The following ZFHX3 variants were observed in gnomAD, a reference collection of about 807,000 sequenced individuals.
The protein encoded by ZFHX3 is zinc finger homeobox 3.
Under a neutral mutation model 279.1 loss-of-function variants are expected in ZFHX3, and 42 were observed. The ratio of observed to expected loss-of-function variants is 0.15; its 90% CI spans 0.12 to 0.19. The LOEUF is 0.19. Ranked by LOEUF, ZFHX3 falls within the 10% of genes least tolerant of loss-of-function variation. The probability of loss-of-function intolerance (pLI) is 1.00; values close to 1 mark genes in which losing one functional copy is unlikely to be tolerated. For missense variants in ZFHX3, 4,981 were observed against 4,754.0 expected (o/e 1.05, Z -1.40); for synonymous variants, 2,293 against 1,957.8 (o/e 1.17, Z -4.52).
chr16:73,840,333 T>C (rs1488639746), intron 1 of ZFHX3, among the ~76,000 whole-genome samples: 1 of 152,054 alleles, frequency 6.6e-6, no homozygotes, highest in Non-Finnish European at 1.5e-5. Flanking sequence ...CCCACCACCA[T>C]CACAGAAAAG....
intron 5 of ZFHX3, among the ~76,000 whole-genome samples, chr16:73,219,904 G>C (rs1015637711): frequency 6.6e-6 from 1 of 152,110 alleles, no homozygotes; most frequent in African/African-American, 2.4e-5. Context: ...TGGCCAACAC[G>C]GTGAAACCCC....
rs201730292 is a variant in ZFHX3, at chr16:72,796,067, C to T, written c.6615G>A (p.Lys2205=). Residue 2205 remains lysine (K), a synonymous_variant, in exon 9 of 10, where the codon AAG becomes AAA. Transcript: ENST00000268489. ...NTLFKERQRN[K]DSPYNFSNPP... is the part of the protein sequence containing the mutation. Reference sequence around the variant, plus strand: ...GATTACTGAAGTTGTAAGGGGAGTCCTTGTTACGCTGCCTCTCTTTGAAGA... The same window carrying T: ...GATTACTGAAGTTGTAAGGGGAGTCTTTGTTACGCTGCCTCTCTTTGAAGA... 6.2e-7 allele frequency: 1 copy of T among 1,614,186 alleles called. No individual in the cohort carries two copies. Among genetic ancestry groups the T allele is most frequent in the East Asian group, 2.2e-5 (1 of 44,866 alleles).
At chr16:73,369,380 C>T (rs13335600) in intron 3 of ZFHX3, among the ~76,000 whole-genome samples, 4 of 152,104 alleles carry the variant, frequency 2.6e-5, no homozygotes, top group African/African-American at 9.7e-5. Context: ...AACCGAGCAC[C>T]GGGCTTCTAA....
At chr16:73,781,072 T>G (rs13335360) in intron 1 of ZFHX3, among the ~76,000 whole-genome samples, 1 of 152,178 alleles carries the variant, frequency 6.6e-6, no homozygotes, top group African/African-American at 2.4e-5. Context: ...AGGGACCATT[T>G]GCTTGGGAAG....
Position 73,824,000 on chromosome 16 carries a change from T to G in ZFHX3, c.-1608+67651A>C, listed in dbSNP as rs368923875. On this transcript the variant is annotated intron_variant, in intron 1 of 17. Coordinates refer to the ZFHX3 transcript ENST00000641206. The stretch of plus-strand genomic sequence containing the variant: ...ACGGAATAACTACACTCCAGGAAAG[T>G]TGATGGAACCTTGACATCTCAAGTT... Among the ~76,000 whole-genome samples the G allele has an allele frequency of 1.2e-4, 19 of 152,314 alleles. 1 individual carries two copies. The highest frequency in any genetic ancestry group is 6.5e-4 in the Admixed American group (10 of 15,294).
In ZFHX3 at chr16:73,100,086, G is replaced by C. The variant is rs1469257398; in HGVS notation, c.-896-6488C>G. Among the ~76,000 whole-genome samples the C allele has an allele frequency of 7.2e-5, 11 of 152,290 alleles. No individual in the cohort carries two copies. The East Asian group carries it at 2.1e-3, about 29-fold the overall frequency. On this transcript the variant is annotated intron_variant, in intron 7 of 17. Coordinates refer to the ZFHX3 transcript ENST00000641206. ...GAAAGATACCTGTGGAGAAGCCATA[G>C]GTTTTACTGTTGACAATTCCGGGGC...
chr16:72,860,753 C>T (rs1449519593), intron 4 of ZFHX3, among the ~76,000 whole-genome samples: 1 of 152,002 alleles, frequency 6.6e-6, no homozygotes. Flanking sequence ...TTTTAGGTCC[C>T]CTTTGGAGCT....
At chr16:72,881,193 C>T (rs1376826163) in intron 4 of ZFHX3, among the ~76,000 whole-genome samples, 3 of 152,174 alleles carry the variant, frequency 2.0e-5, no homozygotes, top group Non-Finnish European at 4.4e-5. Context: ...CCATGAGCCC[C>T]ATGGCACTAT....
At chr16:72,864,514 A>G (rs1275457911) in intron 4 of ZFHX3, among the ~76,000 whole-genome samples, 2 of 152,196 alleles carry the variant, frequency 1.3e-5, no homozygotes, top group East Asian at 3.9e-4. Context: ...CGGGCCACCC[A>G]AACAGTTTAA....
intron 2 of ZFHX3, among the ~76,000 whole-genome samples, chr16:73,668,689 G>A (rs1260307221): frequency 1.3e-5 from 2 of 148,984 alleles, no homozygotes; most frequent in Admixed American, 1.3e-4. Context: ...CTAATATCCA[G>A]CATCTACAAA....
intron 3 of ZFHX3, among the ~76,000 whole-genome samples, chr16:73,328,089 T>G (rs1290386402): frequency 6.6e-6 from 1 of 152,212 alleles, no homozygotes; most frequent in East Asian, 1.9e-4. Flanking sequence ...TTATTTTTAT[T>G]TTTTAAAGGC....
chr16:73,534,826 G>A (rs973285075), intron 2 of ZFHX3, among the ~76,000 whole-genome samples: 10 of 152,210 alleles, frequency 6.6e-5, no homozygotes, highest in Admixed American at 1.3e-4. Flanking sequence ...TAATCACCAG[G>A]ATATTTTCTT....
At chr16:73,131,597 C>A (rs955650693) in intron 6 of ZFHX3, among the ~76,000 whole-genome samples, 2 of 152,170 alleles carry the variant, frequency 1.3e-5, no homozygotes, top group African/African-American at 4.8e-5. Context: ...CACAGTGAGC[C>A]TCACAGGGTG....
At chr16:73,642,640 T>C (rs1018228109) in intron 2 of ZFHX3, among the ~76,000 whole-genome samples, 1 of 152,192 alleles carries the variant, frequency 6.6e-6, no homozygotes, top group African/African-American at 2.4e-5. Flanking sequence ...TAATACATTA[T>C]ATAAATACCA....
At chr16:73,657,194 C>T (rs1004404200) in intron 2 of ZFHX3, among the ~76,000 whole-genome samples, 3 of 152,168 alleles carry the variant, frequency 2.0e-5, no homozygotes, top group Admixed American at 6.5e-5. Context: ...TAGTGGCTCA[C>T]GCCTGTAATC....
intron 5 of ZFHX3, among the ~76,000 whole-genome samples, chr16:73,173,765 G>T (rs955707116): frequency 2.6e-5 from 4 of 152,158 alleles, no homozygotes; most frequent in Non-Finnish European, 5.9e-5. Context: ...TCACAAGATA[G>T]CCACGGATAT....
chr16:73,390,233 T>C (rs2016984784), intron 3 of ZFHX3, among the ~76,000 whole-genome samples: 1 of 152,146 alleles, frequency 6.6e-6, no homozygotes, highest in Admixed American at 6.5e-5. Context: ...TGGTGGTTAA[T>C]ATCCCTCTTA....
chr16:72,962,777 G>C (rs1304269612), intron 1 of ZFHX3, among the ~76,000 whole-genome samples: 1 of 152,060 alleles, frequency 6.6e-6, no homozygotes, highest in Non-Finnish European at 1.5e-5. Flanking sequence ...CAGGTACCAA[G>C]CACAGCTCTT....
intron 2 of ZFHX3, among the ~76,000 whole-genome samples, chr16:73,633,677 T>C (rs1031389866): frequency 6.6e-6 from 1 of 152,202 alleles, no homozygotes; most frequent in Non-Finnish European, 1.5e-5. Flanking sequence ...GTGGCGTGGA[T>C]TGGCATGGAC....
Sources: gnomAD v4.1 joint callset for allele counts (sites outside exome capture counted in the v4.1 genomes callset) on GRCh38, gnomAD v4.1.1 for gene constraint, MANE v1.5 for transcripts, NCBI Gene and HGNC (gene_info 2026-07-23, HGNC 2026-07-21) for gene names.